UTP14A: variants seen among roughly 807,000 people sequenced by gnomAD.
UTP14A encodes U3 small nucleolar RNA-associated protein 14 homolog A.
In UTP14A, 5 loss-of-function variants were observed where a neutral mutation model predicts 57.2. The ratio of observed to expected loss-of-function variants is 0.09; its 90% CI spans 0.05 to 0.18. UTP14A has a LOEUF of 0.18. UTP14A is among the 10% of genes least tolerant of loss of function. UTP14A has a pLI of 1.00. For synonymous variants in UTP14A, 169 were observed against 210.9 expected, an observed-to-expected ratio of 0.80 and a Z score of 1.72; for missense variants, 430 against 562.1, an observed-to-expected ratio of 0.76 and a Z score of 2.38.
intron 11 of UTP14A, 65 bp downstream of exon 11, chrX:129,921,652 A>G (rs964125306): frequency 6.3e-6 from 7 of 1,115,284 alleles, no homozygotes; most frequent in Middle Eastern, 5.0e-4. Flanking sequence ...GGAGAAAAAA[A>G]AAATGTGTCC....
At chrX:129,917,824 G>A (rs1929746682) in intron 6 of UTP14A, among the ~76,000 whole-genome samples, 1 of 110,533 alleles carries the variant, frequency 9.0e-6, no homozygotes, top group Non-Finnish European at 1.9e-5. Flanking sequence ...GAGCCACCAT[G>A]CCCATCCTAT....
intron 6 of UTP14A, among the ~76,000 whole-genome samples, chrX:129,915,905 C>G (rs1929670879): frequency 9.2e-6 from 1 of 109,108 alleles, no homozygotes; most frequent in African/African-American, 3.4e-5. Context: ...TTTTCTCTCT[C>G]TGGCTTTCCT....
chrX:129,918,413 A>G (rs1348551277), intron 6 of UTP14A, among the ~76,000 whole-genome samples: 1 of 108,141 alleles, frequency 9.2e-6, no homozygotes, highest in East Asian at 2.9e-4. Context: ...AAAAAAAAAA[A>G]AAACTAACCG....
At chrX:129,918,644 G>T (rs1333852029) in intron 6 of UTP14A, among the ~76,000 whole-genome samples, 1 of 110,918 alleles carries the variant, frequency 9.0e-6, no homozygotes, top group African/African-American at 3.3e-5. Flanking sequence ...TTGGGAGGCC[G>T]AGGCGGGCGG....
rs187248645 is a variant in UTP14A, at chrX:129,912,842, T to A, written c.537+921T>A. 2.2e-4 allele frequency among the ~76,000 whole-genome samples: 25 copies of A among 112,242 alleles called. No homozygotes were observed. In the East Asian group the frequency reaches 7.0e-3, roughly 31 times the overall value. On this transcript the variant is annotated intron_variant, in intron 6 of 14. Coordinates refer to ENST00000394422, the MANE Select transcript of UTP14A (RefSeq NM_006649.4). ...TCTAAGTATGTTTGTTTGGTGGGTG[T>A]AATGTTGCCAGTTCTTTTTTATTAT...
chrX:129,927,699 G>T (rs1930155578), intron 14 of UTP14A, among the ~76,000 whole-genome samples: 1 of 111,293 alleles, frequency 9.0e-6, no homozygotes, highest in Admixed American at 9.5e-5. Flanking sequence ...CAGAGACAGG[G>T]TTTCACCATG....
intron 14 of UTP14A, among the ~76,000 whole-genome samples, chrX:129,928,384 C>CA (rs1183151025): frequency 0.15 from 1,311 of 8,684 alleles, 218 homozygotes; most frequent in East Asian, 0.31. Flanking sequence ...GACTCCATCT[C>CA]AAAAAAAAAA....
At chrX:129,918,539 G>T (rs1047725193) in intron 6 of UTP14A, among the ~76,000 whole-genome samples, 14 of 111,669 alleles carry the variant, frequency 1.3e-4, no homozygotes, top group African/African-American at 4.2e-4. Flanking sequence ...GGACTCAAGG[G>T]CAATGTGCCT....
chrX:129,918,282 G>A (rs1929761960), intron 6 of UTP14A, among the ~76,000 whole-genome samples: 1 of 108,747 alleles, frequency 9.2e-6, no homozygotes, highest in African/African-American at 3.4e-5. Context: ...AGCTGCGCAG[G>A]AGGCTGAGGC....
chrX:129,927,070 C>T (rs1439559664), intron 14 of UTP14A, among the ~76,000 whole-genome samples: 1 of 111,227 alleles, frequency 9.0e-6, no homozygotes, highest in Non-Finnish European at 1.9e-5. Context: ...GGCAGTTACA[C>T]GATAAGGGAA....
chrX:129,910,432 T>C (rs1602999010), intron 4 of UTP14A, among the ~76,000 whole-genome samples: 1 of 111,661 alleles, frequency 9.0e-6, no homozygotes, highest in African/African-American at 3.2e-5. Flanking sequence ...ACCTGTAATC[T>C]CCAGCACTTT....
intron 6 of UTP14A, among the ~76,000 whole-genome samples, chrX:129,914,406 G>A (rs939865382): frequency 6.3e-5 from 7 of 110,440 alleles, no homozygotes; most frequent in African/African-American, 2.0e-4. Context: ...GTGAAACCTC[G>A]TCTTTACTAA....
At chrX:129,923,490 G>A (rs1434903647) in intron 11 of UTP14A, among the ~76,000 whole-genome samples, 2 of 111,694 alleles carry the variant, frequency 1.8e-5, no homozygotes, top group Non-Finnish European at 3.8e-5. Flanking sequence ...GGTCAGGCTG[G>A]TCTCAAACTC....
intron 6 of UTP14A, among the ~76,000 whole-genome samples, chrX:129,915,310 G>A (rs763417874): frequency 1.7e-4 from 19 of 111,921 alleles, no homozygotes; most frequent in African/African-American, 6.2e-4. Flanking sequence ...TGGATCACAA[G>A]GTCAGGAGAT....
chrX:129,921,740 T>G, intron 11 of UTP14A, 153 bp downstream of exon 11: 1 of 566,345 alleles, frequency 1.8e-6, no homozygotes, highest in Non-Finnish European at 2.6e-6. Context: ...GAAGAGAAAT[T>G]AGATTCATAA....
intron 2 of UTP14A, 122 bp from the exon 3 acceptor site, chrX:129,907,938 A>C (rs1602995726): frequency 1.6e-6 from 1 of 616,776 alleles, no homozygotes; most frequent in East Asian, 3.7e-5. Context: ...CCTGGGCAAC[A>C]GAGCGAGACG....
chrX:129,914,697 C>T (rs1929614480), intron 6 of UTP14A, among the ~76,000 whole-genome samples: 1 of 112,462 alleles, frequency 8.9e-6, no homozygotes, highest in South Asian at 3.6e-4. Flanking sequence ...CATGAGAAGG[C>T]ATTTGTAAAC....
intron 12 of UTP14A, among the ~76,000 whole-genome samples, chrX:129,925,545 A>G (rs1930072049): frequency 9.0e-6 from 1 of 111,676 alleles, no homozygotes; most frequent in Admixed American, 9.5e-5. Flanking sequence ...AGATGGTCTA[A>G]GACTCCCCAG....
intron 2 of UTP14A, 58 bp from the exon 3 acceptor site, chrX:129,908,002 T>G (rs1483850206): frequency 1.0e-6 from 1 of 974,634 alleles, no homozygotes; most frequent in East Asian, 3.1e-5. Context: ...AGACTCAATT[T>G]CCATGTTGTC....
Sources: gnomAD v4.1 joint callset for allele counts (sites outside exome capture counted in the v4.1 genomes callset) on GRCh38, gnomAD v4.1.1 for gene constraint, MANE v1.5 for transcripts, NCBI Gene and HGNC (gene_info 2026-07-23, HGNC 2026-07-21) for gene names.